The following HIRA variants were observed in gnomAD, a reference collection of about 807,000 sequenced individuals.
The protein encoded by HIRA is protein HIRA.
In HIRA, 13 loss-of-function variants were observed where a neutral mutation model predicts 126.6. The observed-to-expected ratio is 0.10, with a 90% CI of 0.07 to 0.16. The LOEUF (loss-of-function observed/expected upper bound fraction) is 0.16, where lower values mean the gene tolerates loss of function less well. Among genes scored for constraint, HIRA ranks in the 10% least tolerant of loss-of-function variants. The pLI, the probability that HIRA is intolerant of heterozygous loss-of-function variation, is 1.00. For missense variants in HIRA, 834 were observed against 1,314.4 expected, an observed-to-expected ratio of 0.63 and a Z score of 5.65; for synonymous variants, 511 against 520.0, an observed-to-expected ratio of 0.98 and a Z score of 0.24.
chr22:19,388,723 C>T (rs2089150025), intron 9 of HIRA, among the ~76,000 whole-genome samples, 169 bp from the exon 10 acceptor site: 1 of 152,202 alleles, frequency 6.6e-6, no homozygotes, highest in Non-Finnish European at 1.5e-5. Context: ...CTGTGGGAAC[C>T]AAAGCCTGCC....
intron 5 of HIRA, among the ~76,000 whole-genome samples, chr22:19,400,766 G>T (rs193064397): frequency 6.6e-6 from 1 of 152,004 alleles, no homozygotes; most frequent in Non-Finnish European, 1.5e-5. Context: ...AACACTCCAG[G>T]CTCTTGGTTC....
chr22:19,389,486 G>A (rs1037017288), intron 9 of HIRA, among the ~76,000 whole-genome samples: 9 of 152,162 alleles, frequency 5.9e-5, no homozygotes, highest in African/African-American at 1.9e-4. Flanking sequence ...GGGGCTGAGC[G>A]TCCCAGTGCA....
chr22:19,423,521 ACACAT>A (rs2049500761), intron 1 of HIRA, among the ~76,000 whole-genome samples: 2 of 78,730 alleles, frequency 2.5e-5, no homozygotes, highest in South Asian at 4.2e-4. Flanking sequence ...ACACACACAC[ACACAT>A]ATTTTCAGCT....
intron 15 of HIRA, among the ~76,000 whole-genome samples, chr22:19,362,580 G>A (rs2088874516): frequency 6.6e-6 from 1 of 151,522 alleles, no homozygotes; most frequent in African/African-American, 2.4e-5. Flanking sequence ...TTTTTTTGGA[G>A]ATGGATTTTC....
chr22:19,343,871 A>AG (rs1556008201), intron 24 of HIRA, among the ~76,000 whole-genome samples: 20 of 99,200 alleles, frequency 2.0e-4, no homozygotes, highest in Middle Eastern at 5.7e-3. Flanking sequence ...GGCCACAGTG[A>AG]GGGGAAAAAA....
chr22:19,398,757 G>A (rs186461964), intron 5 of HIRA, among the ~76,000 whole-genome samples: 2 of 152,214 alleles, frequency 1.3e-5, no homozygotes, highest in African/African-American at 2.4e-5. Flanking sequence ...TGGGCAGATC[G>A]CTTGAGCCCA....
chr22:19,351,891 G>A lies in HIRA; in HGVS notation c.2849-445C>T, dbSNP rs1230365465. 3.3e-5 allele frequency among the ~76,000 whole-genome samples: 5 copies of A among 152,114 alleles called. No individual in the cohort carries two copies. The highest frequency in any genetic ancestry group is 7.2e-5 in the African/African-American group (3 of 41,410). ...GAGATGGCAAAGGCATGACTGAAGA[G>A]GGGCAACTGAGTGGAGGGGGCATAG... On this transcript the variant is annotated intron_variant, in intron 23 of 24. Coordinates refer to ENST00000263208, the MANE Select transcript of HIRA (RefSeq NM_003325.4). The surrounding 1 kb of genome is among the most constrained non-coding windows in gnomAD (Gnocchi z 4.8).
chr22:19,390,309 C>T (rs1324188859), intron 9 of HIRA, among the ~76,000 whole-genome samples: 1 of 151,956 alleles, frequency 6.6e-6, no homozygotes, highest in African/African-American at 2.4e-5. Flanking sequence ...GAAGACACAT[C>T]GGGCTGGGTG....
At chr22:19,391,672 G>A (rs9604960) in intron 9 of HIRA, among the ~76,000 whole-genome samples, 54,087 of 151,852 alleles carry the variant, frequency 0.36, 11,735 homozygotes, top group Non-Finnish European at 0.48. Context: ...AGTAGAGACG[G>A]GGTTTCACTG....
At chr22:19,419,710 T>C (rs901238151) in intron 1 of HIRA, among the ~76,000 whole-genome samples, 4 of 152,206 alleles carry the variant, frequency 2.6e-5, no homozygotes, top group Admixed American at 1.3e-4. Flanking sequence ...GGCACAACAA[T>C]AAAAACTTGT....
At chr22:19,353,268 T>G in intron 23 of HIRA, 88 bp downstream of exon 23, 1 of 1,525,268 alleles carries the variant, frequency 6.6e-7, no homozygotes, top group Non-Finnish European at 9.0e-7. Context: ...CCATCACATC[T>G]TTTCCCTGAT....
At position 19,354,081 on chromosome 22, in the gene HIRA, A is replaced by G. The variant is rs2088786431; in HGVS notation, c.2599T>C (p.Cys867Arg). ...GGCAGGCTGCTCCTAAAGTCTGCACACTGAGCCAGTGAGTCCTGCTTGTCA... is the reference window on the plus strand; with the variant it reads ...GGCAGGCTGCTCCTAAAGTCTGCACGCTGAGCCAGTGAGTCCTGCTTGTCA... The part of the protein sequence containing the change: ...VSDKQDSLAQ[C>R]ADFRSSLPSQ... The change falls in exon 22 of 25, where the codon TGT becomes CGT. Residue 867 changes from cysteine to arginine, a missense_variant. Around this residue, in one of 5 missense-constraint regions of HIRA, gnomAD observed 468 missense variants for 574.2 expected, o/e 0.82. Coordinates refer to ENST00000263208, the MANE Select transcript of HIRA (RefSeq NM_003325.4). The G allele has an allele frequency of 6.2e-7, 1 of 1,613,074 alleles. No homozygotes were observed. The highest frequency in any genetic ancestry group is 1.7e-5 in the Admixed American group (1 of 59,870).
intron 10 of HIRA, among the ~76,000 whole-genome samples, 158 bp downstream of exon 10, chr22:19,388,326 T>C (rs889374530): frequency 2.8e-4 from 43 of 152,350 alleles, no homozygotes; most frequent in Middle Eastern, 3.4e-3. Flanking sequence ...CGCTGCCAGT[T>C]CCCAAATCAC....
intron 1 of HIRA, among the ~76,000 whole-genome samples, chr22:19,424,785 T>C (rs773008548): frequency 2.0e-5 from 3 of 152,190 alleles, no homozygotes; most frequent in Non-Finnish European, 4.4e-5. Flanking sequence ...CTGTGAACTG[T>C]AATGCTGCAA....
intron 15 of HIRA, among the ~76,000 whole-genome samples, chr22:19,367,163 T>G (rs2088921342): frequency 6.6e-6 from 1 of 152,214 alleles, no homozygotes; most frequent in Non-Finnish European, 1.5e-5. Flanking sequence ...TATATACTAA[T>G]CATACTTTAA....
At chr22:19,372,858 C>A (rs191884818) in intron 15 of HIRA, among the ~76,000 whole-genome samples, 19 of 152,244 alleles carry the variant, frequency 1.2e-4, no homozygotes, top group African/African-American at 4.6e-4. Context: ...AGGCGTGAGC[C>A]ACCGTGCCTG....
chr22:19,341,553 C>T (rs2088629657), intron 24 of HIRA, among the ~76,000 whole-genome samples: 1 of 151,152 alleles, frequency 6.6e-6, no homozygotes. Flanking sequence ...AACTATACTA[C>T]AAGGATATAG....
At position 19,355,748 on chromosome 22, in the gene HIRA, C is replaced by T; in HGVS notation, c.2561+12G>A. On this transcript the variant is annotated intron_variant, in intron 21 of 24. Transcript: ENST00000263208. ...TCTTCCAGGGAATAGGACTGGGGGT[C>T]AGCTTGCTTACCATGTGGAAAGTGA... is the stretch of plus-strand genomic sequence containing the variant. 6.3e-7 allele frequency: 1 copy of T among 1,578,558 alleles called. No homozygotes were observed. Among genetic ancestry groups the T allele is most frequent in the East Asian group, 2.2e-5 (1 of 44,728 alleles).
At chr22:19,419,278 G>A (rs2089424777) in intron 1 of HIRA, among the ~76,000 whole-genome samples, 2 of 152,130 alleles carry the variant, frequency 1.3e-5, no homozygotes, top group Non-Finnish European at 2.9e-5. Flanking sequence ...CTTGAGAGGA[G>A]AGGCCAACAA....
Sources: gnomAD v4.1 joint callset for allele counts (sites outside exome capture counted in the v4.1 genomes callset) on GRCh38, gnomAD v4.1.1 for gene constraint, gnomAD v4.1.1 regional missense constraint, Gnocchi (gnomAD v3.1) non-coding constraint, MANE v1.5 for transcripts, NCBI Gene and HGNC (gene_info 2026-07-23, HGNC 2026-07-21) for gene names.